KCNIP4: variants seen among roughly 807,000 people sequenced by gnomAD.
KCNIP4 encodes Kv channel-interacting protein 4.
KCNIP4 carries 12 observed loss-of-function variants against 34.0 expected under a neutral mutation model. The observed-to-expected ratio is 0.35, with a 90% CI of 0.23 to 0.57. KCNIP4 has a LOEUF of 0.57. Among genes scored for constraint, KCNIP4 ranks in the 20% least tolerant of loss-of-function variants. The probability of loss-of-function intolerance (pLI) is 0.83; values close to 1 mark genes in which losing one functional copy is unlikely to be tolerated. For synonymous variants in KCNIP4, 124 were observed against 102.2 expected, an observed-to-expected ratio of 1.21 and a Z score of -1.29; for missense variants, 238 against 311.7, an observed-to-expected ratio of 0.76 and a Z score of 1.78.
intron 1 of KCNIP4, among the ~76,000 whole-genome samples, chr4:21,190,513 G>A (rs1392520203): frequency 1.3e-5 from 2 of 151,406 alleles, no homozygotes; most frequent in East Asian, 2.0e-4. Flanking sequence ...GGGTGGGGGG[G>A]GGCACTGAGG....
intron 1 of KCNIP4, among the ~76,000 whole-genome samples, chr4:21,563,902 T>C (rs1486289461): frequency 6.6e-6 from 1 of 152,114 alleles, no homozygotes; most frequent in Non-Finnish European, 1.5e-5. Context: ...CATGATATAA[T>C]GCATTTCACT....
At chr4:21,827,304 G>A (rs559265312) in intron 1 of KCNIP4, among the ~76,000 whole-genome samples, 18 of 152,116 alleles carry the variant, frequency 1.2e-4, no homozygotes, top group African/African-American at 4.1e-4. Context: ...CATCTAAAAT[G>A]CATCCTTAGT....
At chr4:20,999,419 TTTTTTTTGTTTGTTTTTTG>T (rs773750760) in intron 1 of KCNIP4, among the ~76,000 whole-genome samples, 25,464 of 90,584 alleles carry the variant, frequency 0.28, 2,260 homozygotes, top group African/African-American at 0.35. Flanking sequence ...GTGGTGTTTT[TTTTTTTTGTTTGTTTTTTG>T]TTTTTTTTTT....
At chr4:21,930,855 A>G (rs1347836489) in intron 1 of KCNIP4, among the ~76,000 whole-genome samples, 1 of 152,096 alleles carries the variant, frequency 6.6e-6, no homozygotes, top group Non-Finnish European at 1.5e-5. Context: ...ACTTGTCCAC[A>G]TGTCCCTCTC....
intron 1 of KCNIP4, chr4:21,718,420 T>C (rs1272406684): frequency 6.6e-6 from 1 of 152,232 alleles, no homozygotes; most frequent in Non-Finnish European, 1.5e-5. Context: ...TTAACAATTA[T>C]GTATTCAACC....
At chr4:21,227,284 G>C (rs146488749) in intron 1 of KCNIP4, among the ~76,000 whole-genome samples, 3,124 of 152,232 alleles carry the variant, frequency 0.021, 50 homozygotes, top group Non-Finnish European at 0.03. Context: ...ATTTTGAAAG[G>C]AATCATGCTC....
intron 1 of KCNIP4, among the ~76,000 whole-genome samples, chr4:21,501,271 CACAT>C (rs964430813): frequency 2.2e-4 from 33 of 151,494 alleles, no homozygotes; most frequent in African/African-American, 6.3e-4. Flanking sequence ...CACACACACA[CACAT>C]GCCATGTCCT....
chr4:21,026,764 A>C (rs918600575), intron 1 of KCNIP4, among the ~76,000 whole-genome samples: 1 of 152,228 alleles, frequency 6.6e-6, no homozygotes, highest in African/African-American at 2.4e-5. Flanking sequence ...CTGCAAGGAC[A>C]ATGGCTGAGA....
rs528298108 is a variant in KCNIP4 at position 20,913,635 on chromosome 4, C to T, written c.62-30926G>A. ...AAGGCTACTCCCAGCACTCCTTCTC[C>T]AATTACACTACTGCAGCTCATAGTT... On this transcript the variant is annotated intron_variant, in intron 1 of 8. Transcript: ENST00000382152. Among the ~76,000 whole-genome samples the T allele has an allele frequency of 1.1e-3, 164 of 152,268 alleles. 1 individual carries two copies. Among genetic ancestry groups the T allele is most frequent in the African/African-American group, 3.8e-3 (156 of 41,556 alleles).
intron 1 of KCNIP4, among the ~76,000 whole-genome samples, chr4:21,371,867 A>G (rs1355997633): frequency 6.8e-6 from 1 of 147,350 alleles, no homozygotes; most frequent in Non-Finnish European, 1.5e-5. Flanking sequence ...GAGATAATAT[A>G]AGAATCAAAA....
chr4:21,697,252 A>T (rs34520544), intron 1 of KCNIP4: 1 of 1,321,676 alleles, frequency 7.6e-7, no homozygotes, highest in African/African-American at 1.6e-5. Flanking sequence ...AAAAATAATC[A>T]CAACAAAGAA....
intron 1 of KCNIP4, among the ~76,000 whole-genome samples, chr4:21,152,870 C>T (rs1577795090): frequency 6.6e-6 from 1 of 152,108 alleles, no homozygotes; most frequent in Non-Finnish European, 1.5e-5. Flanking sequence ...GATCTGAGGT[C>T]GAACAGTTTC....
At chr4:21,483,348 C>T (rs899605700) in intron 1 of KCNIP4, among the ~76,000 whole-genome samples, 16 of 151,954 alleles carry the variant, frequency 1.1e-4, no homozygotes, top group Admixed American at 3.3e-4. Context: ...TCTGTGTTCC[C>T]ACCTAAAACT....
chr4:20,833,853 TATAA>T (rs1328949148), intron 3 of KCNIP4, among the ~76,000 whole-genome samples: 1 of 152,198 alleles, frequency 6.6e-6, no homozygotes, highest in Non-Finnish European at 1.5e-5. Flanking sequence ...GTGTTTATTT[TATAA>T]ATAGTTTGTA....
At chr4:20,903,592 C>G (rs757972037) in intron 1 of KCNIP4, among the ~76,000 whole-genome samples, 30 of 152,044 alleles carry the variant, frequency 2.0e-4, no homozygotes, top group Non-Finnish European at 3.2e-4. Flanking sequence ...TAGCCTGAAG[C>G]CCCCACTTTG....
chr4:21,066,034 C>G (rs1744350501), intron 1 of KCNIP4, among the ~76,000 whole-genome samples: 1 of 151,614 alleles, frequency 6.6e-6, no homozygotes, highest in Non-Finnish European at 1.5e-5. Context: ...TATTAATAGC[C>G]CCTTCGAGTT....
At chr4:21,124,645 C>A (rs938874201) in intron 1 of KCNIP4, among the ~76,000 whole-genome samples, 14 of 152,136 alleles carry the variant, frequency 9.2e-5, no homozygotes, top group African/African-American at 3.4e-4. Flanking sequence ...CTAATCAGGG[C>A]TAGCATAAAA....
chr4:21,884,350 C>A (rs538014768), intron 1 of KCNIP4, among the ~76,000 whole-genome samples: 1 of 152,128 alleles, frequency 6.6e-6, no homozygotes, highest in African/African-American at 2.4e-5. Flanking sequence ...GCCCACCAAC[C>A]TCAGGAGGAG....
intron 1 of KCNIP4, among the ~76,000 whole-genome samples, chr4:21,812,933 A>G (rs1721750483): frequency 6.6e-6 from 1 of 152,122 alleles, no homozygotes; most frequent in African/African-American, 2.4e-5. Flanking sequence ...CTTTCACATA[A>G]GACTTGAGAT....
Sources: allele counts gnomAD v4.1 joint callset (sites outside exome capture counted in the v4.1 genomes callset), GRCh38; gene constraint gnomAD v4.1.1; transcripts MANE v1.5; gene names NCBI Gene and HGNC (gene_info 2026-07-23, HGNC 2026-07-21).